Variants in FGF13 observed in about 807,000 individuals in gnomAD.
FGF13 encodes fibroblast growth factor homologous factor 2.
In FGF13, 2 loss-of-function variants were observed where a neutral mutation model predicts 19.5. The observed-to-expected ratio is 0.10, with a 90% CI of 0.04 to 0.32. The LOEUF (loss-of-function observed/expected upper bound fraction) is 0.32, where lower values mean the gene tolerates loss of function less well. Among genes scored for constraint, FGF13 ranks in the 10% least tolerant of loss-of-function variants. The probability of loss-of-function intolerance (pLI) is 1.00; values close to 1 mark genes in which losing one functional copy is unlikely to be tolerated. For synonymous variants in FGF13, 72 were observed against 76.9 expected (o/e 0.94, Z 0.33); for missense variants, 113 against 192.7 (o/e 0.59, Z 2.45).
At chrX:138,950,583 C>G (rs995249028) in intron 1 of FGF13, among the ~76,000 whole-genome samples, 2 of 111,981 alleles carry the variant, frequency 1.8e-5, no homozygotes, top group African/African-American at 6.5e-5. Context: ...TTAAAAACCT[C>G]TTCAACATCT....
At chrX:138,881,669 G>T (rs931559010) in intron 1 of FGF13, among the ~76,000 whole-genome samples, 1 of 111,524 alleles carries the variant, frequency 9.0e-6, no homozygotes, top group Non-Finnish European at 1.9e-5. Flanking sequence ...TGAACATTTT[G>T]TCTAGGTTAT....
intron 3 of FGF13, among the ~76,000 whole-genome samples, chrX:138,759,256 G>C (rs928002803): frequency 1.8e-5 from 2 of 112,347 alleles, no homozygotes; most frequent in Non-Finnish European, 3.8e-5. Context: ...TTCTGCAATA[G>C]ATTGGGAACA....
In FGF13 at chrX:138,993,579, T is replaced by C. The variant is rs776823935; in HGVS notation, c.-112-128929A>G. ...ACCTAAACTCTAGCTATTGGTTAAC[T>C]ATCATAGCTGAATACCATCCCTTCT... On this transcript the variant is annotated intron_variant, in intron 1 of 2. Transcript: ENST00000421460. Among the ~76,000 whole-genome samples the C allele has an allele frequency of 3.6e-5, 4 of 111,799 alleles. No homozygotes were observed. In the South Asian group the frequency reaches 1.5e-3, roughly 42 times the overall value.
intron 3 of FGF13, among the ~76,000 whole-genome samples, chrX:138,796,136 G>A (rs1569396939): frequency 9.1e-6 from 1 of 110,153 alleles, no homozygotes; most frequent in Admixed American, 9.7e-5. Context: ...CATGTGCCAT[G>A]GTGGTTTGCT....
At chrX:139,090,620 AGT>A in intron 1 of FGF13, among the ~76,000 whole-genome samples, 1 of 110,442 alleles carries the variant, frequency 9.1e-6, no homozygotes, top group East Asian at 2.9e-4. Context: ...GATAGGCCCC[AGT>A]GTGTGCTGTT....
intron 3 of FGF13, among the ~76,000 whole-genome samples, chrX:138,829,531 G>T (rs903843088): frequency 2.7e-5 from 3 of 111,398 alleles, no homozygotes; most frequent in Non-Finnish European, 5.6e-5. Flanking sequence ...TGTTCAGGCA[G>T]AACTCTGAGC....
chrX:138,666,314 G>A (rs994937184), intron 3 of FGF13, among the ~76,000 whole-genome samples: 1 of 111,363 alleles, frequency 9.0e-6, no homozygotes, highest in African/African-American at 3.3e-5. Flanking sequence ...AGAAAAAAAT[G>A]TGTTTTTATT....
At chrX:138,687,028 G>T (rs2089790133) in intron 3 of FGF13, among the ~76,000 whole-genome samples, 1 of 111,932 alleles carries the variant, frequency 8.9e-6, no homozygotes, top group Non-Finnish European at 1.9e-5. Context: ...AGATCTAAAT[G>T]TAAGTCCTGA....
intron 1 of FGF13, among the ~76,000 whole-genome samples, chrX:138,985,333 G>C (rs1356144424): frequency 1.8e-5 from 2 of 112,379 alleles, no homozygotes; most frequent in Non-Finnish European, 3.8e-5. Flanking sequence ...GGAGAGGACA[G>C]TGAATAGTGG....
intron 1 of FGF13, among the ~76,000 whole-genome samples, chrX:139,063,204 T>C (rs945437984): frequency 1.3e-4 from 15 of 111,258 alleles, no homozygotes; most frequent in Admixed American, 1.2e-3. Flanking sequence ...GAAAATGTTT[T>C]TATAACATTT....
intron 1 of FGF13, among the ~76,000 whole-genome samples, chrX:139,164,969 A>G (rs758444921): frequency 7.5e-4 from 84 of 111,563 alleles, no homozygotes; most frequent in African/African-American, 2.6e-3. Flanking sequence ...TAGGGCACTA[A>G]GGGAGACTCT....
At chrX:139,027,356 C>T (rs1453069572) in intron 1 of FGF13, among the ~76,000 whole-genome samples, 1 of 112,046 alleles carries the variant, frequency 8.9e-6, no homozygotes, top group Non-Finnish European at 1.9e-5. Context: ...ACATTTTCCC[C>T]AAAACATAAA....
intron 1 of FGF13, among the ~76,000 whole-genome samples, chrX:138,939,065 C>T (rs2091745939): frequency 1.8e-5 from 2 of 112,156 alleles, no homozygotes; most frequent in Non-Finnish European, 3.8e-5. Flanking sequence ...TTTTACTTTG[C>T]TTTTAAAGTA....
rs1167721944 is a variant in FGF13, at chrX:138,627,139, T to C, written c.*5711A>G. The C allele has an allele frequency of 9.0e-6, 1 of 111,662 alleles. No individual in the cohort carries two copies. Among genetic ancestry groups the C allele is most frequent in the South Asian group, 3.8e-4 (1 of 2,611 alleles). 9.2% of individuals were successfully genotyped at this position (111,662 alleles called of 1,213,427 possible). ...CCCCAGAATATCTTTTTCTACAAAA[T>C]TGACACAGTTTCAATCCATTTATCT... On this transcript the variant is annotated 3_prime_UTR_variant, in exon 5 of 5. Transcript: ENST00000315930.
intron 1 of FGF13, among the ~76,000 whole-genome samples, chrX:138,728,045 G>A (rs1452309994): frequency 1.8e-5 from 2 of 111,498 alleles, no homozygotes; most frequent in Middle Eastern, 4.7e-3. Flanking sequence ...AGAAAAATGC[G>A]TGAATTAATA....
intron 3 of FGF13, among the ~76,000 whole-genome samples, chrX:138,770,579 G>A (rs925538275): frequency 1.8e-5 from 2 of 110,882 alleles, no homozygotes; most frequent in African/African-American, 3.3e-5. Context: ...TGCTCTCATC[G>A]TGTCCTATGC....
chrX:139,100,087 CAT>C lies in FGF13; in HGVS notation c.-113+103327_-113+103328del, dbSNP rs1491285641. On this transcript the variant is annotated intron_variant, in intron 1 of 2. Coordinates refer to the FGF13 transcript ENST00000421460. ...ACACACACACACACACACACACACA[CAT>C]AAACACATGTTCAGTAACCGCCAGG... Among the ~76,000 whole-genome samples, 23 of 104,606 alleles carry C rather than the reference CAT, an allele frequency of 2.2e-4. No individual in the cohort carries two copies. In the South Asian group the frequency reaches 7.3e-3, roughly 33 times the overall value. The allele number at this position is 104,606 out of a possible 115,157, so 90.8% of individuals were successfully genotyped here. A position where few individuals can be genotyped will look rare whatever the true frequency, so the allele number is the denominator to read the frequency against.
intron 1 of FGF13, among the ~76,000 whole-genome samples, chrX:138,988,648 A>C (rs1276528316): frequency 8.9e-6 from 1 of 112,456 alleles, no homozygotes; most frequent in East Asian, 2.8e-4. Flanking sequence ...TCACACAGAA[A>C]GCCCAAACTT....
At chrX:139,142,308 G>C (rs181109086) in intron 1 of FGF13, among the ~76,000 whole-genome samples, 34 of 111,320 alleles carry the variant, frequency 3.1e-4, no homozygotes, top group African/African-American at 9.5e-4. Flanking sequence ...AGGTTCTATA[G>C]GTAAAAATGA....
Sources: gnomAD v4.1 joint callset for allele counts (sites outside exome capture counted in the v4.1 genomes callset) on GRCh38, gnomAD v4.1.1 for gene constraint, MANE v1.5 for transcripts, NCBI Gene and HGNC (gene_info 2026-07-23, HGNC 2026-07-21) for gene names.